Variants in COPG2 observed in about 807,000 individuals in gnomAD.
COPG2 encodes coatomer subunit gamma-2.
In COPG2, 37 loss-of-function variants were observed where a neutral mutation model predicts 46.3. That is an observed-to-expected ratio of 0.80 (90% CI 0.61 to 1.05). The LOEUF (loss-of-function observed/expected upper bound fraction) is 1.05. Among genes scored for constraint, COPG2 ranks in the 50% least tolerant of loss-of-function variants. The pLI, the probability that COPG2 is intolerant of heterozygous loss-of-function variation, is 0.00. For synonymous variants in COPG2, 159 were observed against 129.7 expected (o/e 1.23, Z -1.53); for missense variants, 427 against 387.8 (o/e 1.10, Z -0.85).
chr7:130,537,778 G>T (rs1799895547), intron 20 of COPG2, among the ~76,000 whole-genome samples: 1 of 152,238 alleles, frequency 6.6e-6, no homozygotes, highest in African/African-American at 2.4e-5. Flanking sequence ...CCCAAAAGGG[G>T]CGAAGTGTTT....
chr7:130,576,167 C>T (rs1793995892), intron 9 of COPG2, among the ~76,000 whole-genome samples: 1 of 152,136 alleles, frequency 6.6e-6, no homozygotes, highest in Non-Finnish European at 1.5e-5. Flanking sequence ...GTCATCAAGA[C>T]AGAAAGTCAA....
At chr7:130,586,129 C>T (rs782765442) in intron 9 of COPG2, among the ~76,000 whole-genome samples, 11 of 152,042 alleles carry the variant, frequency 7.2e-5, no homozygotes, top group Non-Finnish European at 1.2e-4. Context: ...TGGAATACTA[C>T]TCAGCCATAA....
At chr7:130,520,076 A>C (rs1799712314) in intron 20 of COPG2, among the ~76,000 whole-genome samples, 2 of 152,216 alleles carry the variant, frequency 1.3e-5, no homozygotes, top group African/African-American at 4.8e-5. Context: ...AGAACAAATG[A>C]ATGCTATTGG....
chr7:130,635,817 T>G (rs1795326499), intron 5 of COPG2, among the ~76,000 whole-genome samples: 2 of 152,206 alleles, frequency 1.3e-5, no homozygotes, highest in African/African-American at 4.8e-5. Context: ...TTTAGATCTT[T>G]CCTGCTTTCT....
chr7:130,634,119 G>C (rs1215588925), intron 5 of COPG2, among the ~76,000 whole-genome samples: 1 of 152,166 alleles, frequency 6.6e-6, no homozygotes, highest in Non-Finnish European at 1.5e-5. Context: ...TTTGGTTACT[G>C]TATCCTTGTA....
intron 3 of COPG2, among the ~76,000 whole-genome samples, chr7:130,665,508 C>T (rs1356414814): frequency 6.6e-6 from 1 of 151,986 alleles, no homozygotes; most frequent in African/African-American, 2.4e-5. Flanking sequence ...GTACTGAACA[C>T]GTACAGATGG....
intron 5 of COPG2, among the ~76,000 whole-genome samples, chr7:130,628,439 G>C (rs1487087225): frequency 1.3e-5 from 2 of 152,014 alleles, no homozygotes; most frequent in Non-Finnish European, 2.9e-5. Flanking sequence ...TTCATGGCTA[G>C]AATAAGAACC....
At chr7:130,545,013 T>C (rs1177083675) in intron 20 of COPG2, among the ~76,000 whole-genome samples, 2 of 152,102 alleles carry the variant, frequency 1.3e-5, no homozygotes, top group Admixed American at 1.3e-4. Context: ...AAAGGAATAA[T>C]TGATGGAACA....
At chr7:130,621,942 TCAAAAAA>T (rs1276752834) in intron 5 of COPG2, among the ~76,000 whole-genome samples, 1 of 54,144 alleles carries the variant, frequency 1.8e-5, no homozygotes, top group Non-Finnish European at 3.0e-5. Context: ...AGACTCCATC[TCAAAAAA>T]AAAAAAAAAA....
intron 12 of COPG2, among the ~76,000 whole-genome samples, chr7:130,558,864 A>C (rs920333258): frequency 6.6e-5 from 10 of 152,186 alleles, no homozygotes; most frequent in African/African-American, 2.4e-4. Flanking sequence ...TAGTCAATGG[A>C]AAAGGATAAG....
At chr7:130,577,305 G>A (rs1794018924) in intron 9 of COPG2, among the ~76,000 whole-genome samples, 1 of 152,226 alleles carries the variant, frequency 6.6e-6, no homozygotes, top group Non-Finnish European at 1.5e-5. Flanking sequence ...GCAGGTCAGT[G>A]GGTGCACGCA....
intron 9 of COPG2, among the ~76,000 whole-genome samples, chr7:130,583,107 A>C (rs2116443531): frequency 6.6e-6 from 1 of 151,484 alleles, no homozygotes; most frequent in Middle Eastern, 3.4e-3. Flanking sequence ...CAAATGTCCA[A>C]CAATGATAGA....
chr7:130,612,276 T>C (rs1188764082), intron 7 of COPG2, 38 bp from the exon 8 acceptor site: 1 of 1,285,974 alleles, frequency 7.8e-7, no homozygotes, highest in Non-Finnish European at 1.1e-6. Flanking sequence ...TAAATAATGC[T>C]TGGTCACTAG....
intron 2 of COPG2, 38 bp from the exon 3 acceptor site, chr7:130,666,967 CT>C: frequency 9.1e-7 from 1 of 1,096,222 alleles, no homozygotes; most frequent in Non-Finnish European, 1.3e-6. Flanking sequence ...ACTTTTCTAC[CT>C]TTTCTATCAC....
At chr7:130,619,524 G>A (rs563111687) in intron 5 of COPG2, among the ~76,000 whole-genome samples, 1 of 151,992 alleles carries the variant, frequency 6.6e-6, no homozygotes, top group African/African-American at 2.4e-5. Context: ...CCAAATTTTT[G>A]TTAGTATTAT....
At chr7:130,542,435 G>A (rs993078185) in intron 20 of COPG2, among the ~76,000 whole-genome samples, 31,835 of 151,788 alleles carry the variant, frequency 0.21, 3,486 homozygotes, top group Middle Eastern at 0.25. Context: ...AATACAGGAC[G>A]GTTAGGGGTG....
intron 5 of COPG2, among the ~76,000 whole-genome samples, chr7:130,629,281 T>C (rs1463871130): frequency 2.0e-5 from 3 of 152,188 alleles, no homozygotes; most frequent in East Asian, 1.9e-4. Context: ...GTGGTGTTCT[T>C]TGAGCTTTCT....
chr7:130,551,923 T>C (rs1793539200), intron 15 of COPG2, among the ~76,000 whole-genome samples: 1 of 152,244 alleles, frequency 6.6e-6, no homozygotes, highest in African/African-American at 2.4e-5. Flanking sequence ...ACAGTTTTTT[T>C]AAGTAAGCCC....
intron 4 of COPG2, among the ~76,000 whole-genome samples, chr7:130,657,794 TC>T (rs555888706): frequency 2.0e-5 from 3 of 152,186 alleles, no homozygotes; most frequent in South Asian, 4.1e-4. Flanking sequence ...ATGTTTGAGA[TC>T]ATCAGTCATT....
Sources: gnomAD v4.1 joint callset for allele counts (sites outside exome capture counted in the v4.1 genomes callset) on GRCh38, gnomAD v4.1.1 for gene constraint, MANE v1.5 for transcripts, NCBI Gene and HGNC (gene_info 2026-07-23, HGNC 2026-07-21) for gene names.